SH3PXD2B: variants seen among roughly 807,000 people sequenced by gnomAD.
SH3PXD2B encodes the protein SH3 and PX domain-containing protein 2B.
In SH3PXD2B, 37 loss-of-function variants were observed where a neutral mutation model predicts 73.1. That is an observed-to-expected ratio of 0.51 (90% CI 0.39 to 0.67). The LOEUF is 0.67. SH3PXD2B is among the 30% of genes least tolerant of loss of function. The probability of loss-of-function intolerance (pLI) is 0.00; values close to 1 mark genes in which losing one functional copy is unlikely to be tolerated. For synonymous variants in SH3PXD2B, 457 were observed against 480.5 expected, an observed-to-expected ratio of 0.95 and a Z score of 0.64; for missense variants, 1,053 against 1,197.8, an observed-to-expected ratio of 0.88 and a Z score of 1.78.
rs878950243 is a variant in SH3PXD2B, at chr5:172,439,704, A to G, written c.75+14574T>C. Among the ~76,000 whole-genome samples the G allele has an allele frequency of 1.3e-3, 192 of 146,688 alleles. 1 individual carries two copies. Among genetic ancestry groups the G allele is most frequent in the African/African-American group, 4.8e-3 (180 of 37,162 alleles). ...CGCGCACGCGCGCGCACACACACAC[A>G]CACACACACACACACACACACACAC... is the stretch of plus-strand genomic sequence containing the variant. On this transcript the variant is annotated intron_variant, in intron 1 of 12. Coordinates refer to ENST00000311601, the MANE Select transcript of SH3PXD2B (RefSeq NM_001017995.3).
At chr5:172,341,941 G>A (rs553153774) in intron 12 of SH3PXD2B, among the ~76,000 whole-genome samples, 1 of 152,278 alleles carries the variant, frequency 6.6e-6, no homozygotes, top group South Asian at 2.1e-4. Context: ...ATAGGCATGA[G>A]TCACCGTGCC....
At chr5:172,418,825 G>A (rs752183294) in intron 2 of SH3PXD2B, among the ~76,000 whole-genome samples, 5 of 152,190 alleles carry the variant, frequency 3.3e-5, no homozygotes, top group African/African-American at 4.8e-5. Flanking sequence ...AGTTATTACC[G>A]ATTATGCTGA....
chr5:172,341,947 G>A (rs142120481), intron 12 of SH3PXD2B, among the ~76,000 whole-genome samples: 103 of 152,146 alleles, frequency 6.8e-4, no homozygotes, highest in East Asian at 2.1e-3. Flanking sequence ...ATGAGTCACC[G>A]TGCCCAGCCA....
chr5:172,367,145 C>T (rs1757548599), intron 6 of SH3PXD2B, among the ~76,000 whole-genome samples: 1 of 150,908 alleles, frequency 6.6e-6, no homozygotes, highest in South Asian at 2.1e-4. Flanking sequence ...CCCATGTTGG[C>T]CAGGCTGGTC....
chr5:172,329,033 G>A (rs59403120), downstream of SH3PXD2B, among the ~76,000 whole-genome samples: 84,372 of 134,948 alleles, frequency 0.63, 26,744 homozygotes, highest in South Asian at 0.84. Flanking sequence ...ATACATATAC[G>A]TATATATATG....
At chr5:172,348,542 T>C (rs1757046163) in intron 10 of SH3PXD2B, among the ~76,000 whole-genome samples, 1 of 152,144 alleles carries the variant, frequency 6.6e-6, no homozygotes, top group East Asian at 1.9e-4. Flanking sequence ...AATACATATC[T>C]AGATCGTTTA....
rs553554078 is a variant in SH3PXD2B at position 172,417,709 on chromosome 5, C to T, written c.156+4707G>A. 2.6e-5 allele frequency among the ~76,000 whole-genome samples: 4 copies of T among 152,312 alleles called. No homozygotes were observed. In the South Asian group the frequency reaches 8.3e-4, roughly 32 times the overall value. ...ACGCCAATTCCTAGCAGCACCCATG[C>T]CCATCAATAATCCTAATAGCTGACA... On this transcript the variant is annotated intron_variant, in intron 2 of 12. Transcript: ENST00000311601.
intron 1 of SH3PXD2B, among the ~76,000 whole-genome samples, chr5:172,423,865 A>G (rs1309148111): frequency 6.6e-6 from 1 of 151,966 alleles, no homozygotes; most frequent in African/African-American, 2.4e-5. Context: ...CTGGTCTCGA[A>G]CTCTTGACCT....
At chr5:172,418,317 C>T (rs1400724205) in intron 2 of SH3PXD2B, among the ~76,000 whole-genome samples, 1 of 152,218 alleles carries the variant, frequency 6.6e-6, no homozygotes, top group Non-Finnish European at 1.5e-5. Flanking sequence ...CTATTGTTTT[C>T]ACCCCATGTC....
chr5:172,439,999 C>G (rs926722091), intron 1 of SH3PXD2B, among the ~76,000 whole-genome samples: 1 of 152,136 alleles, frequency 6.6e-6, no homozygotes, highest in Admixed American at 6.5e-5. Flanking sequence ...GCAGCTGGAG[C>G]CCAGGCTCAG....
rs536974576 is a variant in SH3PXD2B at position 172,408,047 on chromosome 5, G to A, written c.157-1695C>T. ...CGGCCTCTTTGGTGCTGTTCTACAC[G>A]ATGCCCTGGGCAGGTGAGTCAGCCT... On this transcript the variant is annotated intron_variant, in intron 2 of 12. Transcript: ENST00000311601. Among the ~76,000 whole-genome samples the A allele has an allele frequency of 9.8e-4, 149 of 152,194 alleles. 1 individual carries two copies. Among genetic ancestry groups the A allele is most frequent in the African/African-American group, 3.4e-3 (143 of 41,548 alleles).
chr5:172,335,434 C>A lies in SH3PXD2B; in HGVS notation c.*2935G>T, dbSNP rs1003864017. ...GACACGAGGGAAAGAACAACAACAA[C>A]AAAACCAAACAAACCCAAACTCGAG... On this transcript the variant is annotated 3_prime_UTR_variant, in exon 13 of 13. Coordinates refer to ENST00000311601, the MANE Select transcript of SH3PXD2B (RefSeq NM_001017995.3). 9.3e-5 allele frequency: 109 copies of A among 1,171,636 alleles called. No homozygotes were observed. In the Middle Eastern group the frequency reaches 9.8e-4, roughly 10 times the overall value. 72.6% of individuals were successfully genotyped at this position (1,171,636 alleles called of 1,614,324 possible).
At chr5:172,419,059 A>C (rs542816618) in intron 2 of SH3PXD2B, among the ~76,000 whole-genome samples, 1 of 152,192 alleles carries the variant, frequency 6.6e-6, no homozygotes, top group African/African-American at 2.4e-5. Flanking sequence ...CAATAAATGC[A>C]CGAGGAAGGC....
At position 172,420,762 on chromosome 5, in the gene SH3PXD2B, T is replaced by C. The variant is rs572144160; in HGVS notation, c.156+1654A>G. On this transcript the variant is annotated intron_variant, in intron 2 of 12. Coordinates refer to ENST00000311601, the MANE Select transcript of SH3PXD2B (RefSeq NM_001017995.3). ...GAGTTGAGCCTATGACACACAATAA[T>C]GTGTTTGCTGGGATTTCTGACAAGT... 1.4e-3 allele frequency among the ~76,000 whole-genome samples: 218 copies of C among 152,306 alleles called. 1 individual carries two copies. The highest frequency in any genetic ancestry group is 5.0e-3 in the African/African-American group (209 of 41,556).
chr5:172,407,097 T>G (rs2113431454), intron 2 of SH3PXD2B, among the ~76,000 whole-genome samples: 1 of 152,316 alleles, frequency 6.6e-6, no homozygotes, highest in Non-Finnish European at 1.5e-5. Flanking sequence ...CCATGGGGTC[T>G]TAGGAAAGTG....
intron 12 of SH3PXD2B, 151 bp downstream of exon 12, chr5:172,345,985 T>C: frequency 8.2e-7 from 1 of 1,221,064 alleles, no homozygotes; most frequent in East Asian, 2.4e-5. Flanking sequence ...ACACTTAAAA[T>C]TGTAAACTGT....
Position 172,454,431 on chromosome 5 carries a change from G to C in SH3PXD2B, c.-79C>G. ...CAGGGAGCGCTGGGGGCGCGCCGCC[G>C]CGGGCAGGGAACCTGGAGCTGAGCG... On this transcript the variant is annotated 5_prime_UTR_variant, in exon 1 of 13. Coordinates refer to ENST00000311601, the MANE Select transcript of SH3PXD2B (RefSeq NM_001017995.3). The C allele has an allele frequency of 1.1e-6, 1 of 907,938 alleles. No homozygotes were observed. Among genetic ancestry groups the C allele is most frequent in the Non-Finnish European group, 1.4e-6 (1 of 719,188 alleles). The allele number at this position is 907,938 out of a possible 1,614,324, so 56.2% of individuals were successfully genotyped here. A position where few individuals can be genotyped will look rare whatever the true frequency, so the allele number is the denominator to read the frequency against.
At chr5:172,407,088 C>T (rs1464157645) in intron 2 of SH3PXD2B, among the ~76,000 whole-genome samples, 1 of 152,208 alleles carries the variant, frequency 6.6e-6, no homozygotes, top group Non-Finnish European at 1.5e-5. Flanking sequence ...TCTTACTCCC[C>T]ATGGGGTCTT....
intron 4 of SH3PXD2B, among the ~76,000 whole-genome samples, chr5:172,385,208 T>C (rs532603027): frequency 6.6e-6 from 1 of 152,262 alleles, no homozygotes; most frequent in South Asian, 2.1e-4. Context: ...AGCCACATAA[T>C]GAAGGAGCTG....
Sources: allele counts gnomAD v4.1 joint callset (sites outside exome capture counted in the v4.1 genomes callset), GRCh38; gene constraint gnomAD v4.1.1; transcripts MANE v1.5; gene names NCBI Gene and HGNC (gene_info 2026-07-23, HGNC 2026-07-21).